The following GRID2 variants were observed in gnomAD, a reference collection of about 807,000 sequenced individuals.
GRID2 encodes glutamate ionotropic receptor delta type subunit 2, also known as glutamate receptor ionotropic, delta-2.
GRID2 carries 33 observed loss-of-function variants against 114.8 expected under a neutral mutation model. That is an observed-to-expected ratio of 0.29 (90% CI 0.22 to 0.38). GRID2 has a LOEUF of 0.38. GRID2 is among the 10% of genes least tolerant of loss of function. The probability of loss-of-function intolerance (pLI) is 1.00; values close to 1 mark genes in which losing one functional copy is unlikely to be tolerated. For missense variants in GRID2, 1,184 were observed against 1,257.7 expected, an observed-to-expected ratio of 0.94 and a Z score of 0.89; for synonymous variants, 505 against 449.9, an observed-to-expected ratio of 1.12 and a Z score of -1.55.
At position 92,516,788 on chromosome 4, in the gene GRID2, C is replaced by A. The variant is rs571918580; in HGVS notation, c.89-73343C>A. Among the ~76,000 whole-genome samples the A allele has an allele frequency of 2.4e-4, 36 of 151,974 alleles. 2 individuals are homozygous for A. The South Asian group carries it at 7.3e-3, about 31-fold the overall frequency. Reference sequence around the variant, plus strand: ...AATTCCCAATGTCCCTTCTTAGCTCCCACTGGCTCTCGACACTCTCATCTT... The same window carrying A: ...AATTCCCAATGTCCCTTCTTAGCTCACACTGGCTCTCGACACTCTCATCTT... On this transcript the variant is annotated intron_variant, in intron 1 of 15. Coordinates refer to ENST00000282020, the MANE Select transcript of GRID2 (RefSeq NM_001510.4).
At chr4:92,889,888 A>T (rs1746633266) in intron 2 of GRID2, among the ~76,000 whole-genome samples, 1 of 152,144 alleles carries the variant, frequency 6.6e-6, no homozygotes, top group South Asian at 2.1e-4. Flanking sequence ...TACAGTAACC[A>T]AACAGCATGG....
chr4:93,394,811 T>C (rs948345469), intron 8 of GRID2, among the ~76,000 whole-genome samples: 6 of 151,996 alleles, frequency 3.9e-5, no homozygotes, highest in African/African-American at 1.4e-4. Flanking sequence ...CTGTAAACAG[T>C]TATCTGCTAA....
At chr4:92,665,601 C>G (rs977147938) in intron 2 of GRID2, among the ~76,000 whole-genome samples, 5 of 151,076 alleles carry the variant, frequency 3.3e-5, no homozygotes, top group African/African-American at 1.2e-4. Flanking sequence ...GCATTTCTTT[C>G]AGGGCCAATC....
chr4:93,607,331 T>C (rs1477886755), intron 13 of GRID2, among the ~76,000 whole-genome samples: 1 of 152,160 alleles, frequency 6.6e-6, no homozygotes, highest in African/African-American at 2.4e-5. Context: ...GTCTTGCTTT[T>C]TAATATTCTG....
chr4:93,062,969 A>G (rs1395299461), intron 2 of GRID2, among the ~76,000 whole-genome samples: 1 of 151,992 alleles, frequency 6.6e-6, no homozygotes, highest in Non-Finnish European at 1.5e-5. Context: ...ATATAAAATT[A>G]TCTGTTGTGT....
chr4:92,478,601 G>C (rs775080224), intron 1 of GRID2, among the ~76,000 whole-genome samples: 2 of 152,040 alleles, frequency 1.3e-5, no homozygotes, highest in Non-Finnish European at 2.9e-5. Flanking sequence ...TTGAAAACAA[G>C]TTCTTTAGGA....
chr4:93,450,732 T>C (rs918009692), intron 10 of GRID2, among the ~76,000 whole-genome samples: 2 of 151,816 alleles, frequency 1.3e-5, no homozygotes, highest in African/African-American at 4.8e-5. Flanking sequence ...TAAAAATGTA[T>C]TTATATTCCA....
chr4:92,534,153 T>C (rs1449225044), intron 1 of GRID2, among the ~76,000 whole-genome samples: 1 of 152,082 alleles, frequency 6.6e-6, no homozygotes, highest in Non-Finnish European at 1.5e-5. Context: ...GGAGCAAAGG[T>C]ATATATTAAT....
chr4:92,667,469 T>C (rs1732845003), intron 2 of GRID2, among the ~76,000 whole-genome samples: 1 of 150,698 alleles, frequency 6.6e-6, no homozygotes, highest in South Asian at 2.1e-4. Flanking sequence ...TATTAGAAGA[T>C]ACACATTATT....
chr4:93,476,357 A>G (rs984073196), intron 11 of GRID2, among the ~76,000 whole-genome samples: 6 of 152,156 alleles, frequency 3.9e-5, no homozygotes, highest in African/African-American at 9.6e-5. Context: ...TTAAAATTGC[A>G]GTGTATCCCT....
chr4:93,514,293 T>C (rs1729478599), intron 12 of GRID2, among the ~76,000 whole-genome samples: 1 of 151,974 alleles, frequency 6.6e-6, no homozygotes, highest in African/African-American at 2.4e-5. Flanking sequence ...CTGGGACAAA[T>C]AGATACTATC....
At chr4:92,652,806 A>AAT (rs1160778704) in intron 2 of GRID2, among the ~76,000 whole-genome samples, 2,887 of 136,032 alleles carry the variant, frequency 0.021, 158 homozygotes, top group African/African-American at 0.071. Flanking sequence ...TGAAAAAAAA[A>AAT]ATATATATAT....
intron 13 of GRID2, among the ~76,000 whole-genome samples, chr4:93,577,771 C>A (rs1441106077): frequency 6.6e-6 from 1 of 152,182 alleles, no homozygotes; most frequent in Non-Finnish European, 1.5e-5. Context: ...GTGTTCTGTG[C>A]TTTATAAAGC....
intron 10 of GRID2, among the ~76,000 whole-genome samples, chr4:93,438,484 A>G (rs902172563): frequency 1.3e-5 from 2 of 152,112 alleles, no homozygotes; most frequent in Admixed American, 1.3e-4. Context: ...GAGTTTTACA[A>G]AAGAGAAAAA....
intron 2 of GRID2, among the ~76,000 whole-genome samples, chr4:92,688,951 A>T (rs1449112428): frequency 6.6e-6 from 1 of 152,172 alleles, no homozygotes; most frequent in African/African-American, 2.4e-5. Context: ...CTTTTGATTC[A>T]TGGGCTGCAG....
At chr4:93,792,045 A>G (rs1444367933) in intron 1 of GRID2, among the ~76,000 whole-genome samples, 1 of 152,180 alleles carries the variant, frequency 6.6e-6, no homozygotes, top group Non-Finnish European at 1.5e-5. Flanking sequence ...TTGAGTGTAG[A>G]TGGTGGTATT....
intron 2 of GRID2, among the ~76,000 whole-genome samples, chr4:93,070,617 T>C (rs1433986792): frequency 6.6e-6 from 1 of 152,012 alleles, no homozygotes; most frequent in African/African-American, 2.4e-5. Context: ...AGAGAAACCA[T>C]AATGAATTAG....
intron 1 of GRID2, among the ~76,000 whole-genome samples, chr4:92,366,776 T>C (rs1728890638): frequency 6.6e-6 from 1 of 152,048 alleles, no homozygotes; most frequent in Non-Finnish European, 1.5e-5. Flanking sequence ...GCAATGATTT[T>C]TGATATTGTA....
At chr4:93,758,000 G>A (rs551490239) in intron 14 of GRID2, among the ~76,000 whole-genome samples, 28 of 152,158 alleles carry the variant, frequency 1.8e-4, no homozygotes, top group Non-Finnish European at 3.4e-4. Context: ...ACCTCATAGC[G>A]TATTTGGATT....
Sources: gnomAD v4.1 joint callset for allele counts (sites outside exome capture counted in the v4.1 genomes callset) on GRCh38, gnomAD v4.1.1 for gene constraint, MANE v1.5 for transcripts, NCBI Gene and HGNC (gene_info 2026-07-23, HGNC 2026-07-21) for gene names.